SLTM: variants seen among roughly 807,000 people sequenced by gnomAD.
SLTM encodes the protein SAFB-like transcription modulator.
In SLTM, 43 loss-of-function variants were observed where a neutral mutation model predicts 134.6. The ratio of observed to expected loss-of-function variants is 0.32; its 90% CI spans 0.25 to 0.41. The LOEUF (loss-of-function observed/expected upper bound fraction) is 0.41. Among genes scored for constraint, SLTM ranks in the 10% least tolerant of loss-of-function variants. The pLI, the probability that SLTM is intolerant of heterozygous loss-of-function variation, is 1.00. For synonymous variants in SLTM, 424 were observed against 432.3 expected, an observed-to-expected ratio of 0.98 and a Z score of 0.24; for missense variants, 1,055 against 1,288.8, an observed-to-expected ratio of 0.82 and a Z score of 2.78.
At position 58,933,304 on chromosome 15, in the gene SLTM, C is replaced by T. The variant is rs2141275652; in HGVS notation, c.162+100G>A. Reference sequence around the variant, plus strand: ...TCCCTACCATGCCGTTCCGCAGGTCCCAGCGGCTGCGGGCAGCCGGAGGCT... The same window carrying T: ...TCCCTACCATGCCGTTCCGCAGGTCTCAGCGGCTGCGGGCAGCCGGAGGCT... On this transcript the variant is annotated intron_variant, in intron 1 of 20. Coordinates refer to ENST00000380516, the MANE Select transcript of SLTM (RefSeq NM_024755.4). 3 of 1,363,286 alleles carry T rather than the reference C, an allele frequency of 2.2e-6. No individual in the cohort carries two copies. The East Asian group carries it at 9.0e-5, about 41-fold the overall frequency. The allele number at this position is 1,363,286 out of a possible 1,614,324, so 84.4% of individuals were successfully genotyped here.
chr15:58,916,700 G>T (rs2036675322), intron 3 of SLTM: 1 of 374,054 alleles, frequency 2.7e-6, no homozygotes, highest in Non-Finnish European at 4.9e-6. Context: ...AAGGCCTGGA[G>T]AGATTATTAA....
intron 15 of SLTM, 72 bp downstream of exon 15, chr15:58,890,209 A>C (rs2034547186): frequency 6.4e-7 from 1 of 1,555,234 alleles, no homozygotes; most frequent in Non-Finnish European, 8.8e-7. Context: ...CAAGTAAAGC[A>C]AGTTTTAGGG....
intron 3 of SLTM, among the ~76,000 whole-genome samples, chr15:58,915,542 G>C (rs1235420535): frequency 6.6e-6 from 1 of 152,172 alleles, no homozygotes; most frequent in African/African-American, 2.4e-5. Flanking sequence ...CCTGATGGAA[G>C]ATATATAGTA....
chr15:58,884,875 T>C (rs1217633478), intron 19 of SLTM, among the ~76,000 whole-genome samples: 1 of 152,092 alleles, frequency 6.6e-6, no homozygotes, highest in Non-Finnish European at 1.5e-5. Flanking sequence ...CCTCAAGTAA[T>C]CCTCCCGCCT....
chr15:58,887,373 C>T lies in SLTM; in HGVS notation c.2543G>A (p.Gly848Glu), dbSNP rs2034306213. The change falls in exon 18 of 21, where the codon GGG (glycine) becomes GAG (glutamate). Residue 848 changes from glycine (G) to glutamate (E), a missense_variant. By Grantham distance (98) the Gly-to-Glu change is moderately conservative. Coordinates refer to ENST00000380516, the MANE Select transcript of SLTM (RefSeq NM_024755.4). The stretch of plus-strand genomic sequence containing the variant: ...CACCGTTCTCCTTTCGTCTCGCTCC[C>T]CTCGTACTTCTCGCCTGTCTGATTC... ...LRESDRREVRGERDERRTVII... is the reference protein window; with the variant it reads ...LRESDRREVREERDERRTVII... 6.2e-7 allele frequency: 1 copy of T among 1,613,784 alleles called. No homozygotes were observed. Among genetic ancestry groups the T allele is most frequent in the South Asian group, 1.1e-5 (1 of 91,060 alleles).
At chr15:58,921,994 C>T (rs1595931037) in intron 2 of SLTM, among the ~76,000 whole-genome samples, 2 of 152,026 alleles carry the variant, frequency 1.3e-5, no homozygotes. Flanking sequence ...AGGCTAGTCT[C>T]GAACTCCTGA....
intron 2 of SLTM, among the ~76,000 whole-genome samples, chr15:58,922,628 TA>T (rs1178622873): frequency 6.8e-6 from 1 of 146,962 alleles, no homozygotes; most frequent in African/African-American, 2.5e-5. Context: ...TATACATGTA[TA>T]AAATATATAT....
chr15:58,893,007 ATC>A lies in SLTM; in HGVS notation c.1786_1787del (p.Asp596Ter), dbSNP rs781232336. On this transcript the variant is annotated frameshift_variant, in exon 14 of 21. Transcript: ENST00000380516. LOFTEE classifies it high-confidence loss of function. ...KERASLDKKR[D>X]KDYRRKEILP... is the part of the protein sequence containing the mutation. The stretch of plus-strand genomic sequence containing the variant: ...AGATCTCTTTCCTTCTGTAGTCTTT[ATC>A]TCTTTTTTTATCTAGACTAGCTCTC... 1 of 1,612,314 alleles carries A rather than the reference ATC, an allele frequency of 6.2e-7. No individual in the cohort carries two copies.
At chr15:58,901,046 G>A in intron 6 of SLTM, 1 of 517,684 alleles carries the variant, frequency 1.9e-6, no homozygotes. Flanking sequence ...TACAGTAACT[G>A]ATATGTACTA....
intron 5 of SLTM, among the ~76,000 whole-genome samples, chr15:58,911,235 G>T (rs1255785679): frequency 6.6e-6 from 1 of 152,152 alleles, no homozygotes; most frequent in Admixed American, 6.6e-5. Flanking sequence ...AGAAGCATTT[G>T]TGGCTCACTA....
chr15:58,894,916 G>A (rs1260310928), intron 9 of SLTM, among the ~76,000 whole-genome samples: 1 of 152,030 alleles, frequency 6.6e-6, no homozygotes, highest in Admixed American at 6.6e-5. Flanking sequence ...TGTTGGCCAG[G>A]CTGGTCTCAA....
At chr15:58,926,959 G>A (rs1012659952) in intron 2 of SLTM, among the ~76,000 whole-genome samples, 2 of 152,076 alleles carry the variant, frequency 1.3e-5, no homozygotes, top group African/African-American at 4.8e-5. Flanking sequence ...TTTGTGAAAT[G>A]AAAATGACAT....
chr15:58,887,168 C>A (rs1595834466), intron 18 of SLTM, 49 bp from the exon 19 acceptor site: 1 of 1,612,216 alleles, frequency 6.2e-7, no homozygotes. Flanking sequence ...GTAATCTTAA[C>A]TTTTTTTAAC....
Position 58,889,412 on chromosome 15 carries a change from A to C in SLTM, c.2204+18T>G. 6.2e-7 allele frequency: 1 copy of C among 1,613,282 alleles called. No individual in the cohort carries two copies. The highest frequency in any genetic ancestry group is 2.2e-5 in the East Asian group (1 of 44,836). On this transcript the variant is annotated intron_variant, in intron 16 of 20. Coordinates refer to ENST00000380516, the MANE Select transcript of SLTM (RefSeq NM_024755.4). ...AAAACAGCAAGGTTAACTGTTAAGG[A>C]ATAAAATGAGTAACTACCTATGATC...
intron 2 of SLTM, among the ~76,000 whole-genome samples, chr15:58,918,555 C>T (rs1308047520): frequency 6.6e-6 from 1 of 152,134 alleles, no homozygotes; most frequent in East Asian, 1.9e-4. Context: ...TTTTCTTTTA[C>T]TCAATTAGTA....
chr15:58,887,449 A>C lies in SLTM; in HGVS notation c.2467T>G (p.Phe823Val). Reference protein sequence around the residue: ...DPSFERYPKNFSDSRRNEPPP... With the variant: ...DPSFERYPKNVSDSRRNEPPP... ...GGCTCATTTCTTCTGGAGTCACTGA[A>C]ATTTTTGGGATATCTTTCGAAGCTT... is the stretch of plus-strand genomic sequence containing the variant. The change falls in exon 18 of 21, where the codon TTC (phenylalanine) becomes GTC (valine). Residue 823 changes from phenylalanine (F) to valine (V), a missense_variant. Phe to Val is a conservative substitution (Grantham distance 50). Coordinates refer to ENST00000380516, the MANE Select transcript of SLTM (RefSeq NM_024755.4). 1 of 1,613,766 alleles carries C rather than the reference A, an allele frequency of 6.2e-7. No individual in the cohort carries two copies. The highest frequency in any genetic ancestry group is 8.5e-7 in the Non-Finnish European group (1 of 1,179,956).
chr15:58,892,881 CAG>C lies in SLTM; in HGVS notation c.1898+14_1898+15del, dbSNP rs1468096752. 1 of 1,608,578 alleles carries C rather than the reference CAG, an allele frequency of 6.2e-7. No homozygotes were observed. Among genetic ancestry groups the C allele is most frequent in the Non-Finnish European group, 8.5e-7 (1 of 1,178,250 alleles). Reference sequence around the variant, plus strand: ...CCTATATTTAAAGACAGGTATAAAACAGACTCTCTTCCTACCTTCGAAGTTCC... The same window carrying C: ...CCTATATTTAAAGACAGGTATAAAACACTCTCTTCCTACCTTCGAAGTTCC... On this transcript the variant is annotated intron_variant, in intron 14 of 20. Transcript: ENST00000380516.
chr15:58,912,446 T>A (rs776966498), intron 5 of SLTM, 117 bp downstream of exon 5: 1 of 948,832 alleles, frequency 1.1e-6, no homozygotes, highest in African/African-American at 1.6e-5. Flanking sequence ...CGTAAATAAC[T>A]CAGTATTAAA....
chr15:58,880,789 C>T (rs117909215), intron 20 of SLTM, among the ~76,000 whole-genome samples: 4,592 of 152,056 alleles, frequency 0.03, 129 homozygotes, highest in Admixed American at 0.11. Context: ...TGGTCTTGAA[C>T]TCCTGGGCTC....
Sources: gnomAD v4.1 joint callset for allele counts (sites outside exome capture counted in the v4.1 genomes callset) on GRCh38, gnomAD v4.1.1 for gene constraint, MANE v1.5 for transcripts, NCBI Gene and HGNC (gene_info 2026-07-23, HGNC 2026-07-21) for gene names.